The following PSD4 variants were observed in gnomAD, a reference collection of about 807,000 sequenced individuals.
PSD4 encodes pleckstrin and Sec7 domain containing 4.
A neutral mutation model predicts 112.5 loss-of-function variants in PSD4; 59 were observed. That is an observed-to-expected ratio of 0.52 (90% CI 0.43 to 0.65). PSD4 has a LOEUF of 0.65. PSD4 is among the 30% of genes least tolerant of loss of function. The pLI, the probability that PSD4 is intolerant of heterozygous loss-of-function variation, is 0.00. For synonymous variants in PSD4, 533 were observed against 540.0 expected, an observed-to-expected ratio of 0.99 and a Z score of 0.18; for missense variants, 1,267 against 1,352.6, an observed-to-expected ratio of 0.94 and a Z score of 0.99.
chr2:113,201,661 G>C lies in PSD4; in HGVS notation c.*246G>C. ...AGCCCCAGTCCCTGGCCACGCCCAA[G>C]GGAAGAGGGAGGTGAGGACTTGACT... On this transcript the variant is annotated 3_prime_UTR_variant, in exon 17 of 17. Transcript: ENST00000245796. The C allele has an allele frequency of 5.3e-6, 3 of 566,300 alleles. No homozygotes were observed. The highest frequency in any genetic ancestry group is 9.3e-6 in the Non-Finnish European group (3 of 322,536). The allele number at this position is 566,300 out of a possible 1,614,324, so 35.1% of individuals were successfully genotyped here.
chr2:113,198,997 G>A (rs1164757912), intron 15 of PSD4, 86 bp from the exon 16 acceptor site: 8 of 1,515,428 alleles, frequency 5.3e-6, no homozygotes, highest in Non-Finnish European at 6.2e-6. Context: ...TGGGAACCGA[G>A]GCGGCCAGGG....
chr2:113,180,406 A>G lies in PSD4; in HGVS notation c.-111-1940A>G, dbSNP rs144968785. Among the ~76,000 whole-genome samples, 3 of 152,200 alleles carry G rather than the reference A, an allele frequency of 2.0e-5. No homozygotes were observed. The East Asian group carries it at 5.8e-4, about 29-fold the overall frequency. On this transcript the variant is annotated intron_variant, in intron 1 of 16. Coordinates refer to ENST00000245796, the MANE Select transcript of PSD4 (RefSeq NM_012455.3). ...GCTGGGCAGGGAGGAGCTGACCCCCATGGGTTTGTTATGTGTGCTGGTTAG... is the reference window on the plus strand; with the variant it reads ...GCTGGGCAGGGAGGAGCTGACCCCCGTGGGTTTGTTATGTGTGCTGGTTAG...
At chr2:113,187,030 TC>T (rs1688319550) in intron 5 of PSD4, among the ~76,000 whole-genome samples, 1 of 152,174 alleles carries the variant, frequency 6.6e-6, no homozygotes, top group South Asian at 2.1e-4. Flanking sequence ...TGGCAAGGGT[TC>T]CCCGAGCTCA....
At chr2:113,197,672 CTG>C (rs762895239) in intron 13 of PSD4, 38 bp downstream of exon 13, 2 of 1,613,906 alleles carry the variant, frequency 1.2e-6, no homozygotes, top group Non-Finnish European at 1.7e-6. Flanking sequence ...GAATGGGAGA[CTG>C]AGAGAGGCCC....
chr2:113,207,266 C>G lies in PSD4; in HGVS notation c.*5851C>G, dbSNP rs144609404. On this transcript the variant is annotated 3_prime_UTR_variant, in exon 17 of 17. Transcript: ENST00000245796. ...GGAGAGGATGAGAGTGAAGTCAGCA[C>G]CACCAAAACATAGGGACCAGCTGTG... 1 of 152,324 alleles carries G rather than the reference C, an allele frequency of 6.6e-6. No homozygotes were observed. The highest frequency in any genetic ancestry group is 6.5e-5 in the Admixed American group (1 of 15,282). 9.4% of individuals were successfully genotyped at this position (152,324 alleles called of 1,614,324 possible).
Position 113,192,448 on chromosome 2 carries a change from C to T in PSD4, c.1697C>T (p.Pro566Leu). Reference sequence around the variant, plus strand: ...AGCCCTATGCCCCAAGCACAGTCCCCAGAGGAAGGCCAGAGACCACCAGCT... The same window carrying T: ...AGCCCTATGCCCCAAGCACAGTCCCTAGAGGAAGGCCAGAGACCACCAGCT... ...PGSPMPQAQS[P>L]EEGQRPPAGD... The change falls in exon 6 of 17, where the codon CCA (proline) becomes CTA (leucine). Residue 566 changes from proline (P) to leucine (L), a missense_variant. Pro to Leu is a moderately conservative substitution (Grantham distance 98). This residue lies in a region of PSD4 where 544 missense variants were observed against 648.6 expected (regional missense o/e 0.84). Coordinates refer to ENST00000245796, the MANE Select transcript of PSD4 (RefSeq NM_012455.3). 1.9e-6 allele frequency: 3 copies of T among 1,614,228 alleles called. No homozygotes were observed. The highest frequency in any genetic ancestry group is 2.5e-6 in the Non-Finnish European group (3 of 1,180,038).
At chr2:113,200,895 A>T (rs149096287) in intron 16 of PSD4, among the ~76,000 whole-genome samples, 1 of 152,248 alleles carries the variant, frequency 6.6e-6, no homozygotes, top group East Asian at 1.9e-4. Flanking sequence ...TGGCATAGAG[A>T]TGTTAGTTAC....
intron 10 of PSD4, 36 bp from the exon 11 acceptor site, chr2:113,195,675 TAGGCTCCACAGCCCTG>T: frequency 6.2e-7 from 1 of 1,608,884 alleles, no homozygotes; most frequent in South Asian, 1.1e-5. Context: ...AAAGAGACTT[TAGGCTCCACAGCCCTG>T]AGGCTCCCCT....
rs757163862 is a variant in PSD4 at position 113,193,077 on chromosome 2, A to C, written c.1868A>C (p.Glu623Ala). 1 of 1,614,158 alleles carries C rather than the reference A, an allele frequency of 6.2e-7. No homozygotes were observed. The highest frequency in any genetic ancestry group is 2.2e-5 in the East Asian group (1 of 44,878). The stretch of plus-strand genomic sequence containing the variant: ...GACTTTAGCAGGGCTGTGGCTGAGG[A>C]GTACCTGTCCTTCTTCCAGTTTGGA... ...NNDFSRAVAE[E>A]YLSFFQFGGQ... Residue 623 changes from glutamate to alanine, a missense_variant, in exon 7 of 17, where the codon GAG becomes GCG. Transcript: ENST00000245796.
At position 113,201,730 on chromosome 2, in the gene PSD4, T is replaced by G; in HGVS notation, c.*315T>G. ...CCATGTCACCCTCCAGGCCCCAGAA[T>G]CCAGAGTGGCCTCATTTCCTAGACT... is the stretch of plus-strand genomic sequence containing the variant. On this transcript the variant is annotated 3_prime_UTR_variant, in exon 17 of 17. Transcript: ENST00000245796. 1 of 386,932 alleles carries G rather than the reference T, an allele frequency of 2.6e-6. No homozygotes were observed. The highest frequency in any genetic ancestry group is 4.8e-6 in the Non-Finnish European group (1 of 209,548). The allele number at this position is 386,932 out of a possible 1,614,324, so 24.0% of individuals were successfully genotyped here. A position where few individuals can be genotyped will look rare whatever the true frequency, so the allele number is the denominator to read the frequency against.
Position 113,206,359 on chromosome 2 carries a change from C to A in PSD4, c.*4944C>A, listed in dbSNP as rs1688863781. 1 of 152,288 alleles carries A rather than the reference C, an allele frequency of 6.6e-6. No homozygotes were observed. Among genetic ancestry groups the A allele is most frequent in the African/African-American group, 2.4e-5 (1 of 41,468 alleles). The allele number at this position is 152,288 out of a possible 1,614,324, so 9.4% of individuals were successfully genotyped here. Reference sequence around the variant, plus strand: ...CACCCCACCTTTGCCTGAAATGGCACCTCCTAGGGCAATTGATGGCTGCAG... The same window carrying A: ...CACCCCACCTTTGCCTGAAATGGCAACTCCTAGGGCAATTGATGGCTGCAG... On this transcript the variant is annotated 3_prime_UTR_variant, in exon 17 of 17. Coordinates refer to ENST00000245796, the MANE Select transcript of PSD4 (RefSeq NM_012455.3).
At position 113,183,023 on chromosome 2, in the gene PSD4, C is replaced by T. The variant is rs750121737; in HGVS notation, c.567C>T (p.Pro189=). 7 of 1,613,830 alleles carry T rather than the reference C, an allele frequency of 4.3e-6. No individual in the cohort carries two copies. The East Asian group carries it at 1.6e-4, about 36-fold the overall frequency. Residue 189 remains proline, a synonymous_variant, in exon 2 of 17, where the codon CCC becomes CCT. Coordinates refer to ENST00000245796, the MANE Select transcript of PSD4 (RefSeq NM_012455.3). The part of the protein sequence containing the change: ...GLKAGLKCCL[P]TPPVDLPGDT... The stretch of plus-strand genomic sequence containing the variant: ...AGGCTGGGCTGAAATGCTGTCTCCC[C>T]ACGCCCCCTGTGGACCTCCCCGGGG...
chr2:113,195,660 C>A, intron 10 of PSD4, 67 bp from the exon 11 acceptor site: 1 of 1,590,112 alleles, frequency 6.3e-7, no homozygotes, highest in Non-Finnish European at 8.6e-7. Context: ...CTACCTCTGC[C>A]AGACAAAGAG....
intron 14 of PSD4, 53 bp from the exon 15 acceptor site, chr2:113,198,687 G>A (rs993805980): frequency 1.3e-6 from 2 of 1,490,830 alleles, no homozygotes; most frequent in Non-Finnish European, 1.8e-6. Flanking sequence ...GCGGGAGGAG[G>A]GTGACAGGAC....
Position 113,183,217 on chromosome 2 carries a change from G to C in PSD4, c.761G>C (p.Ser254Thr). 1 of 1,614,224 alleles carries C rather than the reference G, an allele frequency of 6.2e-7. No homozygotes were observed. The highest frequency in any genetic ancestry group is 8.5e-7 in the Non-Finnish European group (1 of 1,180,030). The change falls in exon 2 of 17, where the codon AGT becomes ACT. Residue 254 changes from serine (S) to threonine (T), a missense_variant. Coordinates refer to ENST00000245796, the MANE Select transcript of PSD4 (RefSeq NM_012455.3). ...TTCAGCAACCCCCTCTTCCTGGCGA[G>C]TCCTTGCTCAGAGAACAGTGCTTCT... ...MFFSNPLFLASPCSENSASGE... is the reference protein window; with the variant it reads ...MFFSNPLFLATPCSENSASGE...
chr2:113,174,985 C>A (rs17624171), intron 1 of PSD4, among the ~76,000 whole-genome samples: 23,394 of 152,176 alleles, frequency 0.15, 2,149 homozygotes, highest in Non-Finnish European at 0.21. Flanking sequence ...GCCTGTCTCC[C>A]AGCTGCCTAG....
intron 4 of PSD4, 188 bp from the exon 5 acceptor site, chr2:113,185,689 G>A: frequency 6.5e-7 from 1 of 1,548,468 alleles, no homozygotes; most frequent in East Asian, 2.4e-5. Flanking sequence ...TAGTTGCCTG[G>A]AGGCTTGAGT....
At chr2:113,195,525 T>C (rs947514837) in intron 10 of PSD4, among the ~76,000 whole-genome samples, 9 of 151,074 alleles carry the variant, frequency 6.0e-5, no homozygotes, top group Non-Finnish European at 1.3e-4. Flanking sequence ...CCAGAAATAC[T>C]TTGTTGCACG....
chr2:113,202,993 T>A lies in PSD4; in HGVS notation c.*1578T>A, dbSNP rs1333132661. 6.6e-6 allele frequency: 1 copy of A among 152,340 alleles called. No individual in the cohort carries two copies. Among genetic ancestry groups the A allele is most frequent in the Non-Finnish European group, 1.5e-5 (1 of 68,122 alleles). The allele number at this position is 152,340 out of a possible 1,614,324, so 9.4% of individuals were successfully genotyped here. On this transcript the variant is annotated 3_prime_UTR_variant, in exon 17 of 17. Coordinates refer to ENST00000245796, the MANE Select transcript of PSD4 (RefSeq NM_012455.3). ...TGCAGTGTGGCAGGCTTCATCCCTC[T>A]TTGCTCCAAGTGTGTATGTGTGTCT...
Sources: gnomAD v4.1 joint callset for allele counts (sites outside exome capture counted in the v4.1 genomes callset) on GRCh38, gnomAD v4.1.1 for gene constraint, gnomAD v4.1.1 regional missense constraint, MANE v1.5 for transcripts, NCBI Gene and HGNC (gene_info 2026-07-23, HGNC 2026-07-21) for gene names.